ABL1: variants seen among roughly 807,000 people sequenced by gnomAD.
ABL1 encodes the protein tyrosine-protein kinase ABL1.
ABL1 carries 11 observed loss-of-function variants against 94.7 expected under a neutral mutation model. That is an observed-to-expected ratio of 0.12 (90% CI 0.07 to 0.19). ABL1 has a LOEUF of 0.19. ABL1 is among the 10% of genes least tolerant of loss of function. The pLI, the probability that ABL1 is intolerant of heterozygous loss-of-function variation, is 1.00. For synonymous variants in ABL1, 656 were observed against 622.4 expected (o/e 1.05, Z -0.80); for missense variants, 1,082 against 1,489.4 (o/e 0.73, Z 4.50).
chr9:130,802,831 TA>T (rs1316258619), intron 1 of ABL1, among the ~76,000 whole-genome samples: 3 of 152,170 alleles, frequency 2.0e-5, no homozygotes, highest in African/African-American at 7.2e-5. Context: ...TACTTTTCTC[TA>T]ATACTTGTTT....
chr9:130,768,091 C>T (rs1179468139), intron 1 of ABL1, among the ~76,000 whole-genome samples: 4 of 152,152 alleles, frequency 2.6e-5, no homozygotes, highest in African/African-American at 4.8e-5. Flanking sequence ...GCTGAGTAGC[C>T]GCTGCTCTCT....
chr9:130,859,913 T>A (rs568664473), intron 3 of ABL1, among the ~76,000 whole-genome samples: 1 of 152,190 alleles, frequency 6.6e-6, no homozygotes, highest in South Asian at 2.1e-4. Context: ...ACGCCTGACC[T>A]CGTGATCTGC....
At chr9:130,838,736 A>G (rs545956543) in intron 1 of ABL1, among the ~76,000 whole-genome samples, 15 of 152,384 alleles carry the variant, frequency 9.8e-5, no homozygotes, top group African/African-American at 3.6e-4. Flanking sequence ...CAAAGAAAAC[A>G]TGAACACTAG....
intron 1 of ABL1, among the ~76,000 whole-genome samples, chr9:130,811,413 T>A (rs948471607): frequency 1.3e-5 from 2 of 152,224 alleles, no homozygotes; most frequent in Non-Finnish European, 2.9e-5. Flanking sequence ...TTAAAAGATA[T>A]GTCTTAGAGG....
chr9:130,825,284 C>T (rs1473520872), intron 1 of ABL1, among the ~76,000 whole-genome samples: 1 of 152,130 alleles, frequency 6.6e-6, no homozygotes, highest in Non-Finnish European at 1.5e-5. Flanking sequence ...TTTAGCCCTT[C>T]TCTCTACACT....
intron 3 of ABL1, among the ~76,000 whole-genome samples, chr9:130,859,904 C>T (rs149947273): frequency 1.5e-3 from 228 of 152,064 alleles, no homozygotes; most frequent in African/African-American, 4.8e-3. Flanking sequence ...TGGTTTCGAA[C>T]GCCTGACCTC....
At chr9:130,826,216 G>A (rs544369107) in intron 1 of ABL1, among the ~76,000 whole-genome samples, 3 of 152,048 alleles carry the variant, frequency 2.0e-5, no homozygotes, top group Non-Finnish European at 2.9e-5. Flanking sequence ...CACCTCCTGG[G>A]TTCAGGCGAT....
intron 1 of ABL1, among the ~76,000 whole-genome samples, chr9:130,816,470 G>A (rs1453840393): frequency 4.6e-5 from 7 of 150,746 alleles, no homozygotes; most frequent in Admixed American, 3.3e-4. Flanking sequence ...TACCACACCC[G>A]GCCCCGATCA....
At chr9:130,874,202 A>G (rs1385864939) in intron 6 of ABL1, among the ~76,000 whole-genome samples, 1 of 152,168 alleles carries the variant, frequency 6.6e-6, no homozygotes, top group Non-Finnish European at 1.5e-5. Flanking sequence ...TTTCATGGTT[A>G]ATGTTCATGA....
At chr9:130,744,947 A>G (rs2132717988) in intron 1 of ABL1, among the ~76,000 whole-genome samples, 1 of 151,948 alleles carries the variant, frequency 6.6e-6, no homozygotes, top group African/African-American at 2.4e-5. Context: ...TTGGTGGCCT[A>G]ATGATGTAAG....
At position 130,880,628 on chromosome 9, in the gene ABL1, C is replaced by A. The variant is rs907710981; in HGVS notation, c.1642C>A (p.Pro548Thr). The A allele has an allele frequency of 3.1e-6, 5 of 1,613,622 alleles. No individual in the cohort carries two copies. The African/African-American group carries it at 4.0e-5, about 13-fold the overall frequency. The change falls in exon 10 of 11, where the codon CCT becomes ACT. Residue 548 changes from proline (P) to threonine (T), a missense_variant. Around this residue, in one of 7 missense-constraint regions of ABL1, gnomAD observed 780 missense variants for 835.8 expected, o/e 0.93. Transcript: ENST00000318560. The surrounding 1 kb of genome is among the most constrained non-coding windows in gnomAD (Gnocchi z 4.4). ...AAEHRDTTDV[P>T]EMPHSKGQGE... ...AGAGCACAGAGACACCACTGACGTGCCTGAGATGCCTCACTCCAAGGGCCA... is the reference window on the plus strand; with the variant it reads ...AGAGCACAGAGACACCACTGACGTGACTGAGATGCCTCACTCCAAGGGCCA...
chr9:130,779,147 C>G (rs1159730884), intron 1 of ABL1, among the ~76,000 whole-genome samples: 1 of 152,180 alleles, frequency 6.6e-6, no homozygotes, highest in African/African-American at 2.4e-5. Context: ...CAGAAGAGTC[C>G]TGCAGCTGTG....
chr9:130,883,861 C>G, intron 10 of ABL1, 108 bp from the exon 11 acceptor site: 1 of 1,359,226 alleles, frequency 7.4e-7, no homozygotes, highest in Non-Finnish European at 1.0e-6. Context: ...CACTCTGTCT[C>G]CTGGGCTGGA....
Position 130,872,226 on chromosome 9 carries a change from G to A in ABL1, c.907+13G>A, listed in dbSNP as rs1375688739. On this transcript the variant is annotated intron_variant, in intron 5 of 10. Coordinates refer to ENST00000318560, the MANE Select transcript of ABL1 (RefSeq NM_005157.6). This position sits in a 1 kb window ranked among gnomAD's most constrained non-coding sequence, Gnocchi z 5.0. ...GTGCAGCTCCTTGGTGAGTAAGCCC[G>A]GGGCTCTGAAGAGAGGGTCTCGCGC... 9.9e-6 allele frequency: 16 copies of A among 1,612,104 alleles called. No homozygotes were observed. The highest frequency in any genetic ancestry group is 1.7e-4 in the Middle Eastern group (1 of 5,932).
rs182167942 is a variant in ABL1, at chr9:130,815,944, G to A, written c.137-38120G>A. 2.9e-3 allele frequency among the ~76,000 whole-genome samples: 445 copies of A among 152,328 alleles called. 2 individuals carry two copies. Among genetic ancestry groups the A allele is most frequent in the African/African-American group, 0.01 (433 of 41,580 alleles). ...GAGGCAAGAGAATCGCCTGAACCCA[G>A]GAGGTGGAGGTTGCAGTGAGCCAAG... On this transcript the variant is annotated intron_variant, in intron 1 of 10. Transcript: ENST00000372348.
chr9:130,843,930 G>C (rs1830717823), intron 1 of ABL1, among the ~76,000 whole-genome samples: 1 of 152,090 alleles, frequency 6.6e-6, no homozygotes, highest in Admixed American at 6.6e-5. Flanking sequence ...TATAGTGGTG[G>C]AAGGAATAAC....
rs1830262793 is a variant in ABL1 at position 130,814,900 on chromosome 9, T to TAAAGTTTAGTAAAATAC, written c.137-39148_137-39147insCAAAGTTTAGTAAAATA. Reference sequence around the variant, plus strand: ...TCAAAAAAATAAAATAAAATAAAAATAAAGTTTAGTAAAATAAAAAAAATC... The same window carrying TAAAGTTTAGTAAAATAC: ...TCAAAAAAATAAAATAAAATAAAAATAAAGTTTAGTAAAATACAAAGTTTAGTAAAATAAAAAAAATC... On this transcript the variant is annotated intron_variant, in intron 1 of 10. Coordinates refer to the ABL1 transcript ENST00000372348. This position sits in a 1 kb window ranked among gnomAD's most constrained non-coding sequence, Gnocchi z 4.4. Among the ~76,000 whole-genome samples, 1 of 151,158 alleles carries TAAAGTTTAGTAAAATAC rather than the reference T, an allele frequency of 6.6e-6. No individual in the cohort carries two copies. The highest frequency in any genetic ancestry group is 2.4e-5 in the African/African-American group (1 of 41,112).
At chr9:130,877,498 G>A (rs1472703320) in intron 7 of ABL1, among the ~76,000 whole-genome samples, 8 of 147,788 alleles carry the variant, frequency 5.4e-5, no homozygotes, top group African/African-American at 1.3e-4. Flanking sequence ...GCTGACTTCC[G>A]GCGCCAGGTT....
intron 1 of ABL1, among the ~76,000 whole-genome samples, chr9:130,816,477 A>G (rs1039390574): frequency 2.7e-5 from 4 of 149,070 alleles, no homozygotes; most frequent in Admixed American, 1.3e-4. Flanking sequence ...CCCGGCCCCG[A>G]TCACCTTATT....
Sources: allele counts gnomAD v4.1 joint callset (sites outside exome capture counted in the v4.1 genomes callset), GRCh38; gene constraint gnomAD v4.1.1; regional missense constraint gnomAD v4.1.1; non-coding constraint Gnocchi (gnomAD v3.1); transcripts MANE v1.5; gene names NCBI Gene and HGNC (gene_info 2026-07-23, HGNC 2026-07-21).